The following TNIK variants were observed in gnomAD, a reference collection of about 807,000 sequenced individuals.
TNIK encodes TRAF2 and NCK-interacting protein kinase.
TNIK carries 49 observed loss-of-function variants against 191.3 expected under a neutral mutation model. The observed-to-expected ratio is 0.26, with a 90% CI of 0.20 to 0.32. TNIK has a LOEUF of 0.32. Ranked by LOEUF, TNIK falls within the 10% of genes least tolerant of loss-of-function variation. TNIK has a pLI of 1.00. For synonymous variants in TNIK, 594 were observed against 600.9 expected (o/e 0.99, Z 0.17); for missense variants, 1,155 against 1,702.3 (o/e 0.68, Z 5.66).
chr3:171,371,322 ATCAAAC>A (rs1716460823), intron 1 of TNIK, among the ~76,000 whole-genome samples: 1 of 152,234 alleles, frequency 6.6e-6, no homozygotes, highest in Admixed American at 6.5e-5. Flanking sequence ...TCTGTGGTAA[ATCAAAC>A]TCAAGAAAAG....
chr3:171,441,684 T>C (rs1284375183), intron 1 of TNIK, among the ~76,000 whole-genome samples: 1 of 152,252 alleles, frequency 6.6e-6, no homozygotes, highest in African/African-American at 2.4e-5. Flanking sequence ...GAAGTGGACT[T>C]GCTAGGTCGT....
chr3:171,183,732 C>T (rs1027319856), intron 7 of TNIK, among the ~76,000 whole-genome samples: 6 of 151,976 alleles, frequency 3.9e-5, no homozygotes, highest in Admixed American at 3.3e-4. Flanking sequence ...ACCAGCCTGG[C>T]CAACACAGTG....
intron 2 of TNIK, among the ~76,000 whole-genome samples, chr3:171,262,609 A>G (rs1747784889): frequency 6.6e-6 from 1 of 152,206 alleles, no homozygotes; most frequent in Admixed American, 6.5e-5. Flanking sequence ...GGCATTTGCA[A>G]AGCTCTGTGG....
intron 1 of TNIK, among the ~76,000 whole-genome samples, chr3:171,434,166 C>T (rs531083485): frequency 6.6e-6 from 1 of 152,080 alleles, no homozygotes; most frequent in African/African-American, 2.4e-5. Flanking sequence ...GAACTCCTGA[C>T]CTCAGGCGAT....
At chr3:171,104,337 T>TGACAATACAAATTTTCTCCATATA (rs1473789374) in intron 21 of TNIK, among the ~76,000 whole-genome samples, 1 of 152,158 alleles carries the variant, frequency 6.6e-6, no homozygotes, top group Non-Finnish European at 1.5e-5. Flanking sequence ...TTTTATTCTT[T>TGACAATACAAATTTTCTCCATATA]GACAATACAA....
intron 2 of TNIK, among the ~76,000 whole-genome samples, chr3:171,279,229 G>T (rs530458301): frequency 2.6e-5 from 4 of 152,110 alleles, no homozygotes; most frequent in Non-Finnish European, 5.9e-5. Context: ...GTCATCTGAA[G>T]ATATCTACCA....
chr3:171,309,778 G>A (rs1345454239), intron 2 of TNIK, among the ~76,000 whole-genome samples: 2 of 152,082 alleles, frequency 1.3e-5, no homozygotes, highest in Non-Finnish European at 2.9e-5. Context: ...GCAATGTGGT[G>A]TCACACAAGC....
chr3:171,313,156 T>C (rs1754233461), intron 2 of TNIK, among the ~76,000 whole-genome samples: 1 of 152,210 alleles, frequency 6.6e-6, no homozygotes, highest in Admixed American at 6.5e-5. Context: ...AAACCAGGAA[T>C]ATTGCCTCTA....
At chr3:171,238,409 GTTTTTT>G (rs966740985) in intron 2 of TNIK, among the ~76,000 whole-genome samples, 2 of 150,814 alleles carry the variant, frequency 1.3e-5, no homozygotes, top group African/African-American at 4.9e-5. Context: ...TTAAAAACTA[GTTTTTT>G]TTTAATCCCA....
At chr3:171,446,083 G>C (rs902976954) in intron 1 of TNIK, among the ~76,000 whole-genome samples, 6 of 152,170 alleles carry the variant, frequency 3.9e-5, no homozygotes, top group Non-Finnish European at 8.8e-5. Context: ...CAGTCCAACA[G>C]AATCTGAACT....
At chr3:171,400,519 T>C (rs1315784636) in intron 1 of TNIK, among the ~76,000 whole-genome samples, 1 of 151,076 alleles carries the variant, frequency 6.6e-6, no homozygotes, top group Non-Finnish European at 1.5e-5. Context: ...CAGTGAGCCA[T>C]ATTGCACCAC....
At chr3:171,346,235 T>G (rs73046828) in intron 2 of TNIK, among the ~76,000 whole-genome samples, 11,609 of 152,194 alleles carry the variant, frequency 0.076, 1,244 homozygotes, top group African/African-American at 0.24. Flanking sequence ...TAACAATCTA[T>G]GCAGAATTGA....
intron 21 of TNIK, among the ~76,000 whole-genome samples, chr3:171,105,459 C>T (rs921886658): frequency 1.3e-5 from 2 of 152,080 alleles, no homozygotes; most frequent in African/African-American, 4.8e-5. Context: ...AGGAATCAGC[C>T]GTGGTTGAGA....
At chr3:171,429,565 A>G (rs1320648362) in intron 1 of TNIK, among the ~76,000 whole-genome samples, 1 of 152,242 alleles carries the variant, frequency 6.6e-6, no homozygotes, top group African/African-American at 2.4e-5. Flanking sequence ...AAAGTACAGT[A>G]CAACTCTTCA....
At chr3:171,220,734 A>G (rs1266972860) in intron 3 of TNIK, among the ~76,000 whole-genome samples, 2 of 152,152 alleles carry the variant, frequency 1.3e-5, no homozygotes, top group African/African-American at 4.8e-5. Flanking sequence ...AATTAATTAT[A>G]ATTTTGATCA....
intron 2 of TNIK, 43 bp from the exon 3 acceptor site, chr3:171,228,264 G>A (rs1481237832): frequency 1.9e-6 from 3 of 1,609,110 alleles, no homozygotes; most frequent in Admixed American, 1.7e-5. Flanking sequence ...TTCTGATGAT[G>A]AATAGTAGCA....
intron 2 of TNIK, among the ~76,000 whole-genome samples, chr3:171,285,166 G>A (rs1285334137): frequency 6.6e-6 from 1 of 152,144 alleles, no homozygotes; most frequent in Non-Finnish European, 1.5e-5. Context: ...CCATGGACAG[G>A]AATCATCTGT....
intron 19 of TNIK, among the ~76,000 whole-genome samples, chr3:171,108,387 A>G (rs1323797466): frequency 1.3e-5 from 2 of 152,178 alleles, no homozygotes; most frequent in African/African-American, 4.8e-5. Context: ...AAAAAAAAGA[A>G]ATGTAGCAAG....
intron 4 of TNIK, among the ~76,000 whole-genome samples, chr3:171,200,300 A>C (rs1240114217): frequency 5.9e-5 from 9 of 152,206 alleles, no homozygotes; most frequent in Admixed American, 5.9e-4. Flanking sequence ...CAGGATGAGG[A>C]CTAGGCCTGA....
Sources: gnomAD v4.1 joint callset for allele counts (sites outside exome capture counted in the v4.1 genomes callset) on GRCh38, gnomAD v4.1.1 for gene constraint, MANE v1.5 for transcripts, NCBI Gene and HGNC (gene_info 2026-07-23, HGNC 2026-07-21) for gene names.